The following PPIL1 variants were observed in gnomAD, a reference collection of about 807,000 sequenced individuals.
PPIL1 encodes peptidylprolyl isomerase like 1, also known as peptidyl-prolyl cis-trans isomerase-like 1.
Under a neutral mutation model 19.4 loss-of-function variants are expected in PPIL1, and 14 were observed. The ratio of observed to expected loss-of-function variants is 0.72; its 90% CI spans 0.48 to 1.13. PPIL1 has a LOEUF of 1.13. PPIL1 is among the 50% of genes most tolerant of loss of function. The probability of loss-of-function intolerance (pLI) is 0.00; values close to 1 mark genes in which losing one functional copy is unlikely to be tolerated. For synonymous variants in PPIL1, 72 were observed against 73.6 expected, an observed-to-expected ratio of 0.98 and a Z score of 0.11; for missense variants, 192 against 218.0, an observed-to-expected ratio of 0.88 and a Z score of 0.75.
intron 1 of PPIL1, chr6:36,872,074 G>C (rs1057484401): frequency 2.3e-6 from 1 of 441,482 alleles, no homozygotes; most frequent in East Asian, 4.1e-5. Flanking sequence ...AAAACACGCA[G>C]GTGTTCTGGG....
At chr6:36,867,907 A>G (rs1774427100) in intron 2 of PPIL1, among the ~76,000 whole-genome samples, 1 of 152,268 alleles carries the variant, frequency 6.6e-6, no homozygotes, top group Non-Finnish European at 1.5e-5. Context: ...GACTCCACTT[A>G]CACTGTATCT....
chr6:36,855,358 C>T lies in PPIL1; in HGVS notation c.*455G>A, dbSNP rs188374952. 1.4e-3 allele frequency: 267 copies of T among 194,736 alleles called. 2 individuals are homozygous for T. The highest frequency in any genetic ancestry group is 5.8e-3 in the African/African-American group (251 of 43,330). The allele number at this position is 194,736 out of a possible 1,614,324, so 12.1% of individuals were successfully genotyped here. On this transcript the variant is annotated 3_prime_UTR_variant, in exon 4 of 4. Transcript: ENST00000373699. ...ATGTAAAAGACTGAAATAGGGCGTG[C>T]ACAGAGTTAAGAGGGCTGACAGACA...
intron 2 of PPIL1, among the ~76,000 whole-genome samples, chr6:36,869,419 C>T (rs1485712773): frequency 2.6e-5 from 4 of 152,200 alleles, no homozygotes; most frequent in Non-Finnish European, 5.9e-5. Context: ...CACAGTGCAT[C>T]ACACAGTGAG....
chr6:36,859,792 T>C (rs375017159), intron 2 of PPIL1, among the ~76,000 whole-genome samples: 7 of 149,924 alleles, frequency 4.7e-5, no homozygotes, highest in Admixed American at 3.3e-4. Context: ...ACAATGAAGA[T>C]AGGCAGACCT....
intron 1 of PPIL1, among the ~76,000 whole-genome samples, chr6:36,872,147 C>CATATATATATAT (rs1434796541): frequency 6.6e-6 from 1 of 151,854 alleles, no homozygotes; most frequent in Non-Finnish European, 1.5e-5. Flanking sequence ...TACATATATA[C>CATATATATATAT]ATATGTATAT....
At chr6:36,863,583 ACT>A (rs1369692247) in intron 2 of PPIL1, among the ~76,000 whole-genome samples, 1 of 151,902 alleles carries the variant, frequency 6.6e-6, no homozygotes. Flanking sequence ...AAAAAGCAAA[ACT>A]CTATTTCCAA....
intron 2 of PPIL1, among the ~76,000 whole-genome samples, chr6:36,857,957 C>T (rs767633138): frequency 4.5e-4 from 69 of 152,124 alleles, no homozygotes; most frequent in African/African-American, 1.6e-3. Flanking sequence ...AGACCAGGCG[C>T]GGTGGCTCAT....
At chr6:36,856,800 T>C in intron 2 of PPIL1, 146 bp from the exon 3 acceptor site, 1 of 644,594 alleles carries the variant, frequency 1.6e-6, no homozygotes, top group Non-Finnish European at 2.8e-6. Flanking sequence ...ATATTGCAAC[T>C]ACAGAATCTA....
chr6:36,864,384 C>T (rs1470047722), intron 2 of PPIL1, among the ~76,000 whole-genome samples: 1 of 152,156 alleles, frequency 6.6e-6, no homozygotes, highest in East Asian at 1.9e-4. Context: ...CTACACTGGC[C>T]CCTGTGCTGT....
intron 2 of PPIL1, among the ~76,000 whole-genome samples, chr6:36,861,369 T>A (rs529996845): frequency 1.3e-5 from 2 of 152,262 alleles, no homozygotes; most frequent in South Asian, 4.1e-4. Context: ...CACTCAGTGG[T>A]ATGACATTTT....
chr6:36,871,369 C>T (rs1324337703), intron 2 of PPIL1, among the ~76,000 whole-genome samples: 1 of 152,198 alleles, frequency 6.6e-6, no homozygotes, highest in African/African-American at 2.4e-5. Flanking sequence ...TTTTATTATT[C>T]TCAAAATATT....
At chr6:36,866,146 C>A (rs1297692530) in intron 2 of PPIL1, among the ~76,000 whole-genome samples, 1 of 152,156 alleles carries the variant, frequency 6.6e-6, no homozygotes, top group East Asian at 1.9e-4. Context: ...ATAAAAGACA[C>A]TCAGAGGGCT....
chr6:36,859,255 T>A (rs2150655008), intron 2 of PPIL1, among the ~76,000 whole-genome samples: 1 of 151,956 alleles, frequency 6.6e-6, no homozygotes, highest in Middle Eastern at 3.4e-3. Context: ...TGAAACCCCA[T>A]CACTAATAAA....
intron 2 of PPIL1, among the ~76,000 whole-genome samples, chr6:36,861,062 T>G (rs1389237867): frequency 6.6e-6 from 1 of 152,130 alleles, no homozygotes; most frequent in African/African-American, 2.4e-5. Flanking sequence ...ATAAAAACTA[T>G]TCTTATACTG....
At position 36,855,032 on chromosome 6, in the gene PPIL1, A is replaced by G. The variant is rs1004476697; in HGVS notation, c.*781T>C. 1 of 152,642 alleles carries G rather than the reference A, an allele frequency of 6.6e-6. No homozygotes were observed. Among genetic ancestry groups the G allele is most frequent in the East Asian group, 1.9e-4 (1 of 5,202 alleles). The allele number at this position is 152,642 out of a possible 1,614,324, so 9.5% of individuals were successfully genotyped here. A position where few individuals can be genotyped will look rare whatever the true frequency, so the allele number is the denominator to read the frequency against. ...GGCGCTTCTCCTTTCTGAGAGTACT[A>G]CTTCTCAAGGAGGATTCATGGTCTG... On this transcript the variant is annotated 3_prime_UTR_variant, in exon 4 of 4. Coordinates refer to ENST00000373699, the MANE Select transcript of PPIL1 (RefSeq NM_016059.5).
intron 2 of PPIL1, among the ~76,000 whole-genome samples, chr6:36,864,514 TCA>T (rs1384066888): frequency 6.6e-6 from 1 of 152,142 alleles, no homozygotes; most frequent in Non-Finnish European, 1.5e-5. Flanking sequence ...TCAAATGCTC[TCA>T]GAGAGGTTTC....
chr6:36,864,567 A>G (rs1774358080), intron 2 of PPIL1, among the ~76,000 whole-genome samples: 1 of 152,062 alleles, frequency 6.6e-6, no homozygotes, highest in South Asian at 2.1e-4. Context: ...CTCACCCTCT[A>G]GCCTAGTGGT....
At chr6:36,873,285 TC>T (rs1446798376) in intron 1 of PPIL1, among the ~76,000 whole-genome samples, 1 of 152,164 alleles carries the variant, frequency 6.6e-6, no homozygotes, top group Admixed American at 6.5e-5. Context: ...GATGTTCATC[TC>T]AGTATTTGTC....
At chr6:36,874,317 C>T (rs1774587775) in intron 1 of PPIL1, among the ~76,000 whole-genome samples, 1 of 152,222 alleles carries the variant, frequency 6.6e-6, no homozygotes, top group African/African-American at 2.4e-5. Context: ...TTACTTATCA[C>T]GTAATGTTTA....
Sources: gnomAD v4.1 joint callset for allele counts (sites outside exome capture counted in the v4.1 genomes callset) on GRCh38, gnomAD v4.1.1 for gene constraint, MANE v1.5 for transcripts, NCBI Gene and HGNC (gene_info 2026-07-23, HGNC 2026-07-21) for gene names.